The following DNAH1 variants were observed in gnomAD, a reference collection of about 807,000 sequenced individuals.
DNAH1 encodes axonemal beta dynein heavy chain 1.
In DNAH1, 327 loss-of-function variants were observed where a neutral mutation model predicts 484.3. That is an observed-to-expected ratio of 0.68 (90% confidence interval 0.62 to 0.74). DNAH1 has a LOEUF of 0.74. Among genes scored for constraint, DNAH1 ranks in the 30% least tolerant of loss-of-function variants. The pLI is 0.00. For synonymous variants in DNAH1, 2,192 were observed against 2,191.9 expected, an observed-to-expected ratio of 1.00 and a Z score of 0.00; for missense variants, 5,052 against 5,546.8, an observed-to-expected ratio of 0.91 and a Z score of 2.83.
rs1460621139 is a variant in DNAH1 at position 52,358,388 on chromosome 3, G to A, written c.4087-170G>A. Reference sequence around the variant, plus strand: ...CCTGACCACTGCTGGGGAGAAGGCAGGCCATCCAGCCTGGGAAGGCCCAGC... The same window carrying A: ...CCTGACCACTGCTGGGGAGAAGGCAAGCCATCCAGCCTGGGAAGGCCCAGC... On this transcript the variant is annotated intron_variant, in intron 24 of 77. Coordinates refer to ENST00000420323, the MANE Select transcript of DNAH1 (RefSeq NM_015512.5). The surrounding 1 kb of genome is among the most constrained non-coding windows in gnomAD (Gnocchi z 4.2). 1.3e-5 allele frequency among the ~76,000 whole-genome samples: 2 copies of A among 152,166 alleles called. No homozygotes were observed. The highest frequency in any genetic ancestry group is 2.9e-5 in the Non-Finnish European group (2 of 68,032).
Position 52,391,444 on chromosome 3 carries a change from C to G in DNAH1, c.9893C>G (p.Thr3298Arg), listed in dbSNP as rs558196088. The G allele has an allele frequency of 1.2e-6, 2 of 1,608,940 alleles. No homozygotes were observed. The highest frequency in any genetic ancestry group is 1.7e-5 in the Admixed American group (1 of 59,078). Reference protein sequence around the residue: ...PALEPVLLKQTYKQQGNTVLK... With the variant: ...PALEPVLLKQRYKQQGNTVLK... ...ACCCACCGGTCCCACCCACCACAGA[C>G]GTACAAGCAGCAGGGAAACACGGTG... The change falls in exon 63 of 78, where the codon ACG becomes AGG. Residue 3298 changes from threonine (T) to arginine (R), a missense_variant and splice_region_variant. Coordinates refer to ENST00000420323, the MANE Select transcript of DNAH1 (RefSeq NM_015512.5).
chr3:52,353,873 A>G lies in DNAH1; in HGVS notation c.3480+240A>G. ...ACTCCTCTCAAGAGCCCCAGGAAGG[A>G]GCTAATAGCATTAGCCTCAATTTAA... On this transcript the variant is annotated intron_variant, in intron 20 of 77. Transcript: ENST00000420323. The surrounding 1 kb of genome is among the most constrained non-coding windows in gnomAD (Gnocchi z 5.0). 1 of 561,738 alleles carries G rather than the reference A, an allele frequency of 1.8e-6. No individual in the cohort carries two copies. Among genetic ancestry groups the G allele is most frequent in the Non-Finnish European group, 3.1e-6 (1 of 321,316 alleles). The allele number at this position is 561,738 out of a possible 1,614,324, so 34.8% of individuals were successfully genotyped here.
In DNAH1 at chr3:52,395,113, G is replaced by A; in HGVS notation, c.10968+54G>A. On this transcript the variant is annotated intron_variant, in intron 68 of 77. Coordinates refer to ENST00000420323, the MANE Select transcript of DNAH1 (RefSeq NM_015512.5). This position sits in a 1 kb window ranked among gnomAD's most constrained non-coding sequence, Gnocchi z 4.4. ...CACCTTGAGCTTGTCCCCACCCTGGGTCCCAGGGCCCTGGCTGCATCTGGA... is the reference window on the plus strand; with the variant it reads ...CACCTTGAGCTTGTCCCCACCCTGGATCCCAGGGCCCTGGCTGCATCTGGA... 2 of 1,568,036 alleles carry A rather than the reference G, an allele frequency of 1.3e-6. No homozygotes were observed. Among genetic ancestry groups the A allele is most frequent in the Non-Finnish European group, 1.7e-6 (2 of 1,155,476 alleles).
intron 8 of DNAH1, among the ~76,000 whole-genome samples, chr3:52,343,471 C>G (rs1023264533): frequency 6.6e-6 from 1 of 152,034 alleles, no homozygotes; most frequent in East Asian, 1.9e-4. Context: ...AGGGACTTCA[C>G]CCAGTGAGGG....
At chr3:52,348,798 C>A in intron 12 of DNAH1, 90 bp from the exon 13 acceptor site, 1 of 1,445,706 alleles carries the variant, frequency 6.9e-7, no homozygotes, top group East Asian at 2.3e-5. Context: ...CCTGCTTGCC[C>A]TGCTCCTCGG....
intron 12 of DNAH1, 74 bp downstream of exon 12, chr3:52,348,048 C>G (rs1559510948): frequency 1.4e-6 from 2 of 1,476,400 alleles, no homozygotes; most frequent in Non-Finnish European, 1.8e-6. Flanking sequence ...GCTCAGGGTG[C>G]TGCCACAGTT....
In DNAH1 at chr3:52,320,992, GT is replaced by G. The variant is rs1398554546; in HGVS notation, c.-34-1413del. 2.0e-5 allele frequency among the ~76,000 whole-genome samples: 3 copies of G among 151,734 alleles called. No individual in the cohort carries two copies. The East Asian group carries it at 5.8e-4, about 29-fold the overall frequency. On this transcript the variant is annotated intron_variant, in intron 1 of 77. Coordinates refer to ENST00000420323, the MANE Select transcript of DNAH1 (RefSeq NM_015512.5). ...ATTTTGTATTTTTAGTAGAGATGGG[GT>G]TTTGCCATGTTGACCAGGCTGGTCT...
chr3:52,354,649 A>G (rs1288787128), intron 20 of DNAH1, among the ~76,000 whole-genome samples, 194 bp from the exon 21 acceptor site: 1 of 152,028 alleles, frequency 6.6e-6, no homozygotes, highest in African/African-American at 2.4e-5. Context: ...AAAAAAAAAA[A>G]AGAGTGAATT....
chr3:52,348,029 G>T, intron 12 of DNAH1, 55 bp downstream of exon 12: 1 of 1,536,388 alleles, frequency 6.5e-7, no homozygotes. Context: ...GCTGCTGATG[G>T]CTCCCTGAGC....
Position 52,394,584 on chromosome 3 carries a change from C to T in DNAH1, c.10746C>T (p.Thr3582=), listed in dbSNP as rs763478584. 1.9e-6 allele frequency: 3 copies of T among 1,611,174 alleles called. No homozygotes were observed. Among genetic ancestry groups the T allele is most frequent in the Admixed American group, 1.7e-5 (1 of 59,758 alleles). The change falls in exon 67 of 78, where the codon ACC becomes ACT. Residue 3582 remains threonine, a synonymous_variant. Transcript: ENST00000420323. ...RDILALSNLP[T]FSSFSSDFVK... ...TCCTAGCACTCTCGAACCTGCCAAC[C>T]TTTTCCTCCTTCTCTTCCGACTTCG...
chr3:52,347,809 C>G lies in DNAH1; in HGVS notation c.1956-15C>G. 2 of 1,563,160 alleles carry G rather than the reference C, an allele frequency of 1.3e-6. No individual in the cohort carries two copies. The highest frequency in any genetic ancestry group is 1.7e-6 in the Non-Finnish European group (2 of 1,151,230). Reference sequence around the variant, plus strand: ...CCTAGGCCTCTGCCCACAGTCAGCTCGCCATTGCCTGCAGGCCCCGGAAGA... The same window carrying G: ...CCTAGGCCTCTGCCCACAGTCAGCTGGCCATTGCCTGCAGGCCCCGGAAGA... On this transcript the variant is annotated splice_polypyrimidine_tract_variant and intron_variant, in intron 11 of 77. Transcript: ENST00000420323.
At chr3:52,349,501 A>C in intron 14 of DNAH1, 81 bp downstream of exon 14, 1 of 1,341,984 alleles carries the variant, frequency 7.5e-7, no homozygotes, top group Non-Finnish European at 1.1e-6. Flanking sequence ...ATACATGGCA[A>C]GATGTCCCCA....
rs368356036 is a variant in DNAH1, at chr3:52,366,466, C to A, written c.5528C>A (p.Thr1843Lys). 7.5e-6 allele frequency: 12 copies of A among 1,596,548 alleles called. No homozygotes were observed. Among genetic ancestry groups the A allele is most frequent in the Non-Finnish European group, 1.0e-5 (12 of 1,172,072 alleles). ...SNLKDVEGFL[T>K]KCIQLYETTV... ...ATGCCATGTCCCCCAGGCTTCCTGA[C>A]AAAGTGCATCCAGCTCTACGAGACC... Residue 1843 changes from threonine (T) to lysine (K), a missense_variant, in exon 35 of 78, where the codon ACA (threonine) becomes AAA (lysine). Around this residue, in one of 4 missense-constraint regions of DNAH1, gnomAD observed 2,929 missense variants for 3,409.4 expected, o/e 0.86. Transcript: ENST00000420323.
At chr3:52,327,004 CT>C in intron 5 of DNAH1, 113 bp downstream of exon 5, 1 of 1,355,094 alleles carries the variant, frequency 7.4e-7, no homozygotes, top group Non-Finnish European at 9.9e-7. Context: ...CCAGCACACT[CT>C]TGTCAAACAG....
chr3:52,321,122 CTTTTTTT>C (rs58487465), intron 1 of DNAH1, among the ~76,000 whole-genome samples: 5 of 141,688 alleles, frequency 3.5e-5, no homozygotes, highest in African/African-American at 1.3e-4. Flanking sequence ...TTTCTTTTTT[CTTTTTTT>C]TTTTGAGATG....
At chr3:52,349,941 G>C in intron 14 of DNAH1, 48 bp from the exon 15 acceptor site, 1 of 1,559,360 alleles carries the variant, frequency 6.4e-7, no homozygotes, top group South Asian at 1.2e-5. Flanking sequence ...GTGAGGGAAG[G>C]CAAGGGAGCA....
intron 8 of DNAH1, 22 bp from the exon 9 acceptor site, chr3:52,344,468 C>T: frequency 6.2e-7 from 1 of 1,608,410 alleles, no homozygotes. Context: ...CTGATTCCCC[C>T]ATCTCCCATC....
intron 25 of DNAH1, among the ~76,000 whole-genome samples, 181 bp from the exon 26 acceptor site, chr3:52,359,065 A>T (rs992458397): frequency 6.6e-6 from 1 of 152,130 alleles, no homozygotes; most frequent in Non-Finnish European, 1.5e-5. Context: ...CAGTTCAGAG[A>T]TATCTCTGCC....
In DNAH1 at chr3:52,372,057, C is replaced by T. The variant is rs1375690216; in HGVS notation, c.6637C>T (p.Leu2213=). The T allele has an allele frequency of 2.5e-6, 4 of 1,613,766 alleles. No homozygotes were observed. The highest frequency in any genetic ancestry group is 3.3e-4 in the Middle Eastern group (2 of 6,062). The change falls in exon 42 of 78, where the codon CTG becomes TTG. Residue 2213 remains leucine (L), a synonymous_variant. Transcript: ENST00000420323. Reference sequence around the variant, plus strand: ...GGACACCGTGCAGATGTCCCATTTACTGGACATGCTGCTCACCAACAAGAA... The same window carrying T: ...GGACACCGTGCAGATGTCCCATTTATTGGACATGCTGCTCACCAACAAGAA... ...TMDTVQMSHL[L]DMLLTNKKPV... is the part of the protein sequence containing the mutation.
Sources: allele counts gnomAD v4.1 joint callset (sites outside exome capture counted in the v4.1 genomes callset), GRCh38; gene constraint gnomAD v4.1.1; regional missense constraint gnomAD v4.1.1; non-coding constraint Gnocchi (gnomAD v3.1); transcripts MANE v1.5; gene names NCBI Gene and HGNC (gene_info 2026-07-23, HGNC 2026-07-21).